The following OPRM1 variants were observed in gnomAD, a reference collection of about 807,000 sequenced individuals.
The protein encoded by OPRM1 is mu-type opioid receptor.
A neutral mutation model predicts 31.8 loss-of-function variants in OPRM1; 27 were observed. The ratio of observed to expected loss-of-function variants is 0.85; its 90% CI spans 0.63 to 1.17. The LOEUF (loss-of-function observed/expected upper bound fraction) is 1.17. Among genes scored for constraint, OPRM1 ranks in the 50% most tolerant of loss-of-function variants. The pLI is 0.00. For synonymous variants in OPRM1, 196 were observed against 189.9 expected (o/e 1.03, Z -0.26); for missense variants, 536 against 511.1 (o/e 1.05, Z -0.47).
intron 3 of OPRM1, among the ~76,000 whole-genome samples, chr6:154,145,832 A>G (rs1798345332): frequency 6.6e-6 from 1 of 152,270 alleles, no homozygotes; most frequent in Non-Finnish European, 1.5e-5. Flanking sequence ...GGCCCACATA[A>G]ATACACCAAA....
intron 3 of OPRM1, among the ~76,000 whole-genome samples, chr6:154,198,819 G>A (rs1321258223): frequency 1.3e-5 from 2 of 152,108 alleles, no homozygotes; most frequent in South Asian, 4.1e-4. Context: ...AGACACTCTG[G>A]CAAGTGATTA....
exon 1 of OPRM1, chr6:154,010,755 C>T: frequency 7.0e-6 from 10 of 1,421,466 alleles, no homozygotes; most frequent in Non-Finnish European, 9.2e-6. Context: ...CCCCTTTCTC[C>T]TACAAACAAG....
At chr6:154,166,759 C>T (rs1799468543) in intron 3 of OPRM1, among the ~76,000 whole-genome samples, 1 of 152,172 alleles carries the variant, frequency 6.6e-6, no homozygotes, top group African/African-American at 2.4e-5. Flanking sequence ...TCACTCATAT[C>T]AGCTATCACA....
rs529974020 is a variant in OPRM1, at chr6:154,090,957, A to G, written c.649A>G (p.Ile217Val). The change falls in exon 3 of 4, where the codon ATA becomes GTA. Residue 217 changes from isoleucine (I) to valine (V), a missense_variant. Physicochemically the swap from Ile to Val is conservative, Grantham distance 29. Transcript: ENST00000330432. ...TTTAAATTCCTTTCTTCTAGGTTCC[A>G]TAGATTGTACACTAACATTCTCTCA... ...MATTKYRQGS[I>V]DCTLTFSHPT... is the part of the protein sequence containing the mutation. 2 of 1,612,540 alleles carry G rather than the reference A, an allele frequency of 1.2e-6. No homozygotes were observed. Among genetic ancestry groups the G allele is most frequent in the East Asian group, 4.5e-5 (2 of 44,860 alleles).
chr6:154,224,730 A>AC (rs921056027), intron 3 of OPRM1, among the ~76,000 whole-genome samples: 13 of 152,062 alleles, frequency 8.5e-5, no homozygotes, highest in African/African-American at 2.9e-4. Context: ...AAACAAACAA[A>AC]AAAAAGAGAT....
At chr6:154,036,450 A>C (rs2128390702), upstream of OPRM1, among the ~76,000 whole-genome samples, 1 of 152,180 alleles carries the variant, frequency 6.6e-6, no homozygotes, top group East Asian at 1.9e-4. Flanking sequence ...TGAGAATATG[A>C]AGCACAAAGT....
chr6:154,093,227 C>T (rs1792693962), intron 3 of OPRM1: 4 of 1,532,332 alleles, frequency 2.6e-6, no homozygotes, highest in Admixed American at 1.9e-5. Flanking sequence ...TCCATTGGAG[C>T]AAAATAATGG....
chr6:154,202,293 G>A (rs1777134326), intron 3 of OPRM1, among the ~76,000 whole-genome samples: 1 of 152,056 alleles, frequency 6.6e-6, no homozygotes, highest in Admixed American at 6.5e-5. Context: ...TTGTAAACTG[G>A]TTACCTTACA....
rs552953833 is a variant in OPRM1 at position 154,128,926 on chromosome 6, A to G, written c.*10205A>G. 4.6e-4 allele frequency among the ~76,000 whole-genome samples: 60 copies of G among 130,376 alleles called. No individual in the cohort carries two copies. Among genetic ancestry groups the G allele is most frequent in the African/African-American group, 1.4e-3 (51 of 36,250 alleles). 85.5% of individuals were successfully genotyped at this position (130,376 alleles called of 152,430 possible). A position where few individuals can be genotyped will look rare whatever the true frequency, so the allele number is the denominator to read the frequency against. ...AAATTGGATCTATAAACATAAGTCA[A>G]TTTGGCTCTATTATGTCAAAAGAGA... On this transcript the variant is annotated 3_prime_UTR_variant, in exon 4 of 4. Coordinates refer to ENST00000330432, the MANE Select transcript of OPRM1 (RefSeq NM_000914.5).
intron 1 of OPRM1, among the ~76,000 whole-genome samples, chr6:154,084,915 TAAA>T (rs1790147119): frequency 8.6e-6 from 1 of 116,584 alleles, no homozygotes; most frequent in African/African-American, 3.8e-5. Flanking sequence ...GATGTGGAAT[TAAA>T]CACACACACA....
At chr6:154,069,741 A>G (rs1661617620) in intron 1 of OPRM1, among the ~76,000 whole-genome samples, 1 of 152,180 alleles carries the variant, frequency 6.6e-6, no homozygotes, top group Non-Finnish European at 1.5e-5. Context: ...TTTTCCCAAC[A>G]TTATTTATTG....
chr6:154,174,433 G>A (rs1464395077), intron 3 of OPRM1, among the ~76,000 whole-genome samples: 3 of 152,096 alleles, frequency 2.0e-5, no homozygotes, highest in Non-Finnish European at 2.9e-5. Flanking sequence ...CCCATCTCAC[G>A]TGCAGAGACA....
chr6:154,033,196 T>C (rs1209980384), intron 1 of OPRM1, among the ~76,000 whole-genome samples: 1 of 151,984 alleles, frequency 6.6e-6, no homozygotes, highest in Non-Finnish European at 1.5e-5. Flanking sequence ...AGATAAGAGA[T>C]GCTGTAAAAT....
Position 154,091,013 on chromosome 6 carries a change from G to T in OPRM1, c.705G>T (p.Lys235Asn), listed in dbSNP as rs750834795. The T allele has an allele frequency of 6.2e-7, 1 of 1,614,140 alleles. No individual in the cohort carries two copies. Among genetic ancestry groups the T allele is most frequent in the South Asian group, 1.1e-5 (1 of 91,086 alleles). The change falls in exon 3 of 4, where the codon AAG (lysine) becomes AAT (asparagine). Residue 235 changes from lysine to asparagine, a missense_variant. Coordinates refer to ENST00000330432, the MANE Select transcript of OPRM1 (RefSeq NM_000914.5). ...HPTWYWENLL[K>N]ICVFIFAFIM... is the part of the protein sequence containing the mutation. ...CCTGGTACTGGGAAAACCTGCTGAA[G>T]ATCTGTGTTTTCATCTTCGCCTTCA...
chr6:154,196,638 A>G (rs1776645862), intron 3 of OPRM1, among the ~76,000 whole-genome samples: 1 of 152,244 alleles, frequency 6.6e-6, no homozygotes, highest in Non-Finnish European at 1.5e-5. Context: ...TTACTATCAC[A>G]CAGGCATAAG....
intron 3 of OPRM1, among the ~76,000 whole-genome samples, chr6:154,195,411 T>A (rs966837458): frequency 1.3e-5 from 2 of 152,168 alleles, no homozygotes; most frequent in Non-Finnish European, 2.9e-5. Flanking sequence ...CCTCCCAAAG[T>A]GCTGGGATTA....
intron 3 of OPRM1, chr6:154,092,075 T>C (rs1221077539): frequency 4.2e-6 from 1 of 235,406 alleles, no homozygotes; most frequent in African/African-American, 2.3e-5. Flanking sequence ...ATTATTAATA[T>C]GTGAATATTA....
chr6:154,209,551 G>A (rs770859173), intron 3 of OPRM1, among the ~76,000 whole-genome samples: 3 of 151,852 alleles, frequency 2.0e-5, no homozygotes, highest in African/African-American at 4.8e-5. Context: ...GGGGGCCGAG[G>A]TGGGAGGATG....
intron 3 of OPRM1, among the ~76,000 whole-genome samples, chr6:154,185,256 A>G (rs1393451320): frequency 6.6e-6 from 1 of 152,224 alleles, no homozygotes; most frequent in East Asian, 1.9e-4. Flanking sequence ...CTGTATTTCC[A>G]GGGAGCAGCT....
Sources: allele counts gnomAD v4.1 joint callset (sites outside exome capture counted in the v4.1 genomes callset), GRCh38; gene constraint gnomAD v4.1.1; transcripts MANE v1.5; gene names NCBI Gene and HGNC (gene_info 2026-07-23, HGNC 2026-07-21).